MEIKIN: variants seen among roughly 807,000 people sequenced by gnomAD.
The protein encoded by MEIKIN is meiotic kinetochore factor.
At chr5:131,819,445 G>A (rs1749439220) in intron 11 of MEIKIN, among the ~76,000 whole-genome samples, 2 of 40,142 alleles carry the variant, frequency 5.0e-5, no homozygotes, top group Middle Eastern at 0.014. Context: ...AGGGAGAGGA[G>A]GAGGGACAGG....
intron 8 of MEIKIN, among the ~76,000 whole-genome samples, chr5:131,885,126 A>G (rs1452834054): frequency 6.6e-6 from 1 of 152,078 alleles, no homozygotes; most frequent in Non-Finnish European, 1.5e-5. Flanking sequence ...AGGGAAGGAC[A>G]TAAGCTTAGT....
rs113114541 is a variant in MEIKIN, at chr5:131,945,144, G to A, written c.200+12C>T. On this transcript the variant is annotated intron_variant, in intron 2 of 12. Transcript: ENST00000442687. ...GCAAGCTAGGATCGGGCTGTTACTG[G>A]AGGCTACATACCTGAACGGCCCAGA... 24,514 of 399,102 alleles carry A rather than the reference G, an allele frequency of 0.061. 1,005 individuals carry two copies. Among genetic ancestry groups the A allele is most frequent in the Non-Finnish European group, 0.082 (18,574 of 226,108 alleles). 24.7% of individuals were successfully genotyped at this position (399,102 alleles called of 1,614,324 possible). A position where few individuals can be genotyped will look rare whatever the true frequency, so the allele number is the denominator to read the frequency against.
intron 11 of MEIKIN, among the ~76,000 whole-genome samples, chr5:131,823,534 C>A (rs1749557835): frequency 6.6e-6 from 1 of 151,962 alleles, no homozygotes; most frequent in African/African-American, 2.4e-5. Context: ...CTGCTTGATT[C>A]TTTTGAAGTA....
chr5:131,845,583 T>C (rs1332509235), intron 11 of MEIKIN, among the ~76,000 whole-genome samples: 6 of 140,324 alleles, frequency 4.3e-5, no homozygotes, highest in African/African-American at 1.6e-4. Flanking sequence ...AATTAAAATA[T>C]CAACAAAAAC....
chr5:131,894,462 G>A (rs991052359), intron 8 of MEIKIN, among the ~76,000 whole-genome samples: 2 of 152,244 alleles, frequency 1.3e-5, no homozygotes, highest in African/African-American at 2.4e-5. Flanking sequence ...TGATCGGGAT[G>A]GCACTGAATC....
At chr5:131,929,215 G>A (rs1379150543) in intron 5 of MEIKIN, among the ~76,000 whole-genome samples, 1 of 152,172 alleles carries the variant, frequency 6.6e-6, no homozygotes, top group South Asian at 2.1e-4. Flanking sequence ...TTTACTTGCT[G>A]CTTTCAAAAC....
At chr5:131,885,310 C>T (rs1462071345) in intron 8 of MEIKIN, among the ~76,000 whole-genome samples, 1 of 139,918 alleles carries the variant, frequency 7.1e-6, no homozygotes, top group Non-Finnish European at 1.5e-5. Flanking sequence ...TTGTGTTACC[C>T]CACCCCCAGC....
At chr5:131,869,501 C>T (rs1750448865) in intron 9 of MEIKIN, among the ~76,000 whole-genome samples, 1 of 152,210 alleles carries the variant, frequency 6.6e-6, no homozygotes, top group Non-Finnish European at 1.5e-5. Flanking sequence ...ACCAGTTTGT[C>T]TACCACATAG....
In MEIKIN at chr5:131,892,594, G is replaced by A. The variant is rs550060330; in HGVS notation, c.704-13546C>T. Among the ~76,000 whole-genome samples the A allele has an allele frequency of 5.8e-4, 89 of 152,256 alleles. 1 individual carries two copies. The highest frequency in any genetic ancestry group is 8.8e-4 in the Non-Finnish European group (60 of 68,020). On this transcript the variant is annotated intron_variant, in intron 8 of 12. Coordinates refer to ENST00000442687, the MANE Select transcript of MEIKIN (RefSeq NM_001303622.2). ...GTCTTTTAAGGACTTCTCTGCATTG[G>A]TTATTCTAGTTATCCATTCATCTAA...
chr5:131,892,905 C>CAGT lies in MEIKIN; in HGVS notation c.704-13858_704-13857insACT, dbSNP rs557032627. ...CAGATGGGTTTTTGGTGCGGATGTC[C>CAGT]TTACTGTTTGTTAGTTTTCCTTCTA... On this transcript the variant is annotated intron_variant, in intron 8 of 12. Transcript: ENST00000442687. Among the ~76,000 whole-genome samples the CAGT allele has an allele frequency of 3.3e-3, 500 of 152,226 alleles. 2 individuals are homozygous for CAGT. Among genetic ancestry groups the CAGT allele is most frequent in the African/African-American group, 0.012 (479 of 41,546 alleles).
intron 8 of MEIKIN, among the ~76,000 whole-genome samples, chr5:131,898,512 G>A (rs1751093787): frequency 6.6e-6 from 1 of 152,216 alleles, no homozygotes; most frequent in South Asian, 2.1e-4. Flanking sequence ...CTTTTGTTCA[G>A]CTATGCCCTG....
intron 9 of MEIKIN, among the ~76,000 whole-genome samples, chr5:131,869,170 G>C (rs769230394): frequency 1.3e-5 from 2 of 152,196 alleles, no homozygotes; most frequent in Non-Finnish European, 2.9e-5. Flanking sequence ...TATAAGGTCT[G>C]TGTCTAGGTT....
chr5:131,934,367 C>G (rs1751738973), intron 4 of MEIKIN, among the ~76,000 whole-genome samples: 1 of 152,026 alleles, frequency 6.6e-6, no homozygotes, highest in Admixed American at 6.6e-5. Context: ...TACACATACA[C>G]AAATATATTA....
chr5:131,840,082 T>C (rs962240785), intron 11 of MEIKIN, among the ~76,000 whole-genome samples: 3 of 152,214 alleles, frequency 2.0e-5, no homozygotes, highest in Non-Finnish European at 4.4e-5. Flanking sequence ...AACAAATTGC[T>C]TGTCTGAAAA....
At chr5:131,890,704 G>A (rs1750896123) in intron 8 of MEIKIN, among the ~76,000 whole-genome samples, 2 of 152,106 alleles carry the variant, frequency 1.3e-5, no homozygotes, top group Admixed American at 1.3e-4. Flanking sequence ...GGCTTTTTGT[G>A]TCTCTATTTC....
At chr5:131,849,651 C>G (rs1348232504) in intron 11 of MEIKIN, among the ~76,000 whole-genome samples, 4 of 148,994 alleles carry the variant, frequency 2.7e-5, no homozygotes, top group African/African-American at 9.9e-5. Context: ...ATAAATTACC[C>G]AGTCTCAGGT....
chr5:131,816,635 T>C (rs1051373409), intron 12 of MEIKIN, among the ~76,000 whole-genome samples: 83 of 152,338 alleles, frequency 5.4e-4, no homozygotes, highest in Middle Eastern at 3.4e-3. Context: ...TTCTATCCTC[T>C]ATAACTTTCA....
At chr5:131,899,948 C>T (rs1471342192) in intron 8 of MEIKIN, among the ~76,000 whole-genome samples, 2 of 152,186 alleles carry the variant, frequency 1.3e-5, no homozygotes, top group African/African-American at 2.4e-5. Context: ...TGGACTTAAT[C>T]TTCACTTATT....
intron 4 of MEIKIN, among the ~76,000 whole-genome samples, chr5:131,935,944 TAG>T (rs1751768993): frequency 6.6e-6 from 1 of 152,202 alleles, no homozygotes; most frequent in Non-Finnish European, 1.5e-5. Context: ...CCAACTGCCC[TAG>T]AGTGTCCTGT....
Sources: allele counts gnomAD v4.1 joint callset (sites outside exome capture counted in the v4.1 genomes callset), GRCh38; gene constraint gnomAD v4.1.1; transcripts MANE v1.5; gene names NCBI Gene and HGNC (gene_info 2026-07-23, HGNC 2026-07-21).